Variants in SLC35E2B observed in about 807,000 individuals in gnomAD.
SLC35E2B encodes the protein solute carrier family 35, member E2B.
In SLC35E2B, 18 loss-of-function variants were observed where a neutral mutation model predicts 32.4. The observed-to-expected ratio is 0.56, with a 90% CI of 0.38 to 0.82. The LOEUF is 0.82. Ranked by LOEUF, SLC35E2B falls within the 40% of genes least tolerant of loss-of-function variation. SLC35E2B has a pLI of 0.00. For synonymous variants in SLC35E2B, 132 were observed against 209.1 expected (o/e 0.63, Z 3.18); for missense variants, 263 against 469.5 (o/e 0.56, Z 4.06).
rs1245831302 is a variant in SLC35E2B at position 1,692,480 on chromosome 1, T to G, written c.-597A>C. 1 of 985,726 alleles carries G rather than the reference T, an allele frequency of 1.0e-6. No individual in the cohort carries two copies. The highest frequency in any genetic ancestry group is 1.2e-6 in the Non-Finnish European group (1 of 830,558). 61.1% of individuals were successfully genotyped at this position (985,726 alleles called of 1,614,324 possible). Reference sequence around the variant, plus strand: ...CCTGATGCAGTCTCCGCCGCAGGCATAGCGCTAGGCCCCGGCGCCTTCACA... The same window carrying G: ...CCTGATGCAGTCTCCGCCGCAGGCAGAGCGCTAGGCCCCGGCGCCTTCACA... On this transcript the variant is annotated 5_prime_UTR_variant, in exon 1 of 10. An upstream start codon of the reference 5' UTR is lost. Coordinates refer to ENST00000617444, the MANE Select transcript of SLC35E2B (RefSeq NM_001290264.2).
rs1314510299 is a variant in SLC35E2B, at chr1:1,690,750, A to G, written c.-148+226T>C. ...ACTCCGTCTCAAAAAGTAAAGAAAA[A>G]AAAAAAACAAAACAACATATTTCAC... On this transcript the variant is annotated intron_variant, in intron 2 of 9. Coordinates refer to ENST00000617444, the MANE Select transcript of SLC35E2B (RefSeq NM_001290264.2). 5.2e-5 allele frequency among the ~76,000 whole-genome samples: 3 copies of G among 57,712 alleles called. 1 individual carries two copies. The highest frequency in any genetic ancestry group is 1.4e-3 in the South Asian group (2 of 1,426). The allele number at this position is 57,712 out of a possible 152,430, so 37.9% of individuals were successfully genotyped here. A position where few individuals can be genotyped will look rare whatever the true frequency, so the allele number is the denominator to read the frequency against.
intron 2 of SLC35E2B, among the ~76,000 whole-genome samples, chr1:1,687,174 C>T (rs556545415): frequency 2.6e-5 from 4 of 152,298 alleles, no homozygotes; most frequent in Non-Finnish European, 4.4e-5. Flanking sequence ...GATGGGCGGA[C>T]GGGCGACACG....
At chr1:1,681,594 C>T (rs1225922231) in intron 2 of SLC35E2B, among the ~76,000 whole-genome samples, 1 of 151,542 alleles carries the variant, frequency 6.6e-6, no homozygotes, top group Non-Finnish European at 1.5e-5. Context: ...GTAGCCCCCA[C>T]TTCTTGGATT....
Position 1,662,492 on chromosome 1 carries a change from C to G in SLC35E2B, c.*3290G>C. On this transcript the variant is annotated 3_prime_UTR_variant, in exon 10 of 10. Coordinates refer to ENST00000617444, the MANE Select transcript of SLC35E2B (RefSeq NM_001290264.2). ...GGGACAAGGATTTTAAAGGCAGCTA[C>G]AAAGCTGAGCTCTATTTGCTGATGA... 4.0e-6 allele frequency: 3 copies of G among 745,410 alleles called. No individual in the cohort carries two copies. Among genetic ancestry groups the G allele is most frequent in the Non-Finnish European group, 4.9e-6 (3 of 612,450 alleles). The allele number at this position is 745,410 out of a possible 1,614,324, so 46.2% of individuals were successfully genotyped here.
In SLC35E2B at chr1:1,669,706, G is replaced by A. The variant is rs115862299; in HGVS notation, c.792C>T (p.Ala264=). Residue 264 remains alanine, a synonymous_variant, in exon 8 of 10, where the codon GCC becomes GCT. Transcript: ENST00000617444. ...CCGGGACGAGCATGGCCACCGCAGC[G>A]GCGCTGGTGTAGAACTGCAGCTCCG... ...SAPELQFYTS[A]AAVAMLVPAR... 3.3e-3 allele frequency: 5,020 copies of A among 1,538,594 alleles called. 116 individuals are homozygous for A. In the African/African-American group the frequency reaches 0.055, roughly 17 times the overall value.
chr1:1,689,978 C>G (rs1172948508), intron 2 of SLC35E2B, among the ~76,000 whole-genome samples: 1 of 143,218 alleles, frequency 7.0e-6, no homozygotes, highest in African/African-American at 2.6e-5. Flanking sequence ...CAGGGTGAGA[C>G]CCTGTCTCAA....
At chr1:1,671,913 G>C (rs914898508) in intron 5 of SLC35E2B, 3 of 272,328 alleles carry the variant, frequency 1.1e-5, no homozygotes, top group Non-Finnish European at 1.4e-5. Context: ...AAACCTTCCT[G>C]ATTCTGTGAA....
At position 1,688,401 on chromosome 1, in the gene SLC35E2B, T is replaced by C. The variant is rs868476498; in HGVS notation, c.-148+2575A>G. ...GTGGGCGGATCACAAGGTCAGGACA[T>C]CGAGATCCTCCTGGCCAACACAGTC... On this transcript the variant is annotated intron_variant, in intron 2 of 9. Coordinates refer to ENST00000617444, the MANE Select transcript of SLC35E2B (RefSeq NM_001290264.2). 1.2e-4 allele frequency among the ~76,000 whole-genome samples: 18 copies of C among 151,844 alleles called. 2 individuals carry two copies. The South Asian group carries it at 3.7e-3, about 32-fold the overall frequency.
At chr1:1,677,043 C>CATG (rs1312029355) in intron 2 of SLC35E2B, among the ~76,000 whole-genome samples, 197 bp from the exon 3 acceptor site, 1 of 83,658 alleles carries the variant, frequency 1.2e-5, no homozygotes, top group Non-Finnish European at 2.3e-5. Context: ...CCCTGGCCAA[C>CATG]ATGACGAAAC....
Position 1,688,433 on chromosome 1 carries a change from C to T in SLC35E2B, c.-148+2543G>A, listed in dbSNP as rs566370878. Among the ~76,000 whole-genome samples the T allele has an allele frequency of 6.6e-5, 10 of 151,890 alleles. 1 individual carries two copies. The highest frequency in any genetic ancestry group is 1.9e-4 in the African/African-American group (8 of 41,340). ...CCTCCTGGCCAACACAGTCAAACCC[C>T]ATTTCTACTACAAAAAATTAGCCGG... On this transcript the variant is annotated intron_variant, in intron 2 of 9. Transcript: ENST00000617444.
chr1:1,677,917 G>C (rs1030185262), intron 2 of SLC35E2B, among the ~76,000 whole-genome samples: 3 of 151,908 alleles, frequency 2.0e-5, no homozygotes, highest in African/African-American at 7.3e-5. Flanking sequence ...CATCCCCCCA[G>C]CTGGGGCTTT....
rs374046736 is a variant in SLC35E2B at position 1,663,452 on chromosome 1, G to A, written c.*2330C>T. 1.8e-5 allele frequency: 17 copies of A among 945,264 alleles called. No individual in the cohort carries two copies. The East Asian group carries it at 5.7e-4, about 32-fold the overall frequency. The allele number at this position is 945,264 out of a possible 1,614,324, so 58.6% of individuals were successfully genotyped here. On this transcript the variant is annotated 3_prime_UTR_variant, in exon 10 of 10. Coordinates refer to ENST00000617444, the MANE Select transcript of SLC35E2B (RefSeq NM_001290264.2). ...TGTCCTCACAAATCAACAACTCCCC[G>A]CCACCTCCAGGGCATTTTCTAATAG...
Position 1,677,540 on chromosome 1 carries a change from T to G in SLC35E2B, c.-147-694A>C, listed in dbSNP as rs370690236. 5.3e-5 allele frequency among the ~76,000 whole-genome samples: 8 copies of G among 150,494 alleles called. No individual in the cohort carries two copies. The South Asian group carries it at 1.7e-3, about 32-fold the overall frequency. On this transcript the variant is annotated intron_variant, in intron 2 of 9. Coordinates refer to ENST00000617444, the MANE Select transcript of SLC35E2B (RefSeq NM_001290264.2). Reference sequence around the variant, plus strand: ...TCGCCCAGGCTGAAGTGCAGAGGCGTGATCTGGGCTCACTGCAAGCTCCGC... The same window carrying G: ...TCGCCCAGGCTGAAGTGCAGAGGCGGGATCTGGGCTCACTGCAAGCTCCGC...
rs147978655 is a variant in SLC35E2B at position 1,685,188 on chromosome 1, G to A, written c.-148+5788C>T. Reference sequence around the variant, plus strand: ...TGTAATCCTAGCACTTTGGGAGACCGAGGCAGGAGGATTGCTTGAGCCCAG... The same window carrying A: ...TGTAATCCTAGCACTTTGGGAGACCAAGGCAGGAGGATTGCTTGAGCCCAG... On this transcript the variant is annotated intron_variant, in intron 2 of 9. Transcript: ENST00000617444. Among the ~76,000 whole-genome samples, 988 of 151,592 alleles carry A rather than the reference G, an allele frequency of 6.5e-3. 14 individuals carry two copies. The highest frequency in any genetic ancestry group is 0.021 in the African/African-American group (865 of 41,280).
In SLC35E2B at chr1:1,677,356, C is replaced by T. The variant is rs531833153; in HGVS notation, c.-147-510G>A. ...ACGGTCTCCTGGCACACTTGACTGT[C>T]GTCCTGGCAGACCTGGGGCTGTGGG... On this transcript the variant is annotated intron_variant, in intron 2 of 9. Coordinates refer to ENST00000617444, the MANE Select transcript of SLC35E2B (RefSeq NM_001290264.2). Among the ~76,000 whole-genome samples the T allele has an allele frequency of 3.0e-3, 450 of 151,318 alleles. 8 individuals carry two copies. Among genetic ancestry groups the T allele is most frequent in the Non-Finnish European group, 1.8e-3 (121 of 67,840 alleles).
intron 7 of SLC35E2B, 37 bp downstream of exon 7, chr1:1,670,061 T>G: frequency 6.6e-7 from 1 of 1,515,570 alleles, no homozygotes; most frequent in South Asian, 1.2e-5. Context: ...CCTCTTCGTC[T>G]TATGACTTGG....
intron 5 of SLC35E2B, 132 bp downstream of exon 5, chr1:1,675,331 C>T (rs1272766544): frequency 1.4e-6 from 1 of 705,250 alleles, no homozygotes; most frequent in Admixed American, 2.9e-5. Context: ...GAAGTGAAGG[C>T]ACTGCCAGTG....
In SLC35E2B at chr1:1,663,275, G is replaced by A. The variant is rs1228879581; in HGVS notation, c.*2507C>T. On this transcript the variant is annotated 3_prime_UTR_variant, in exon 10 of 10. Coordinates refer to ENST00000617444, the MANE Select transcript of SLC35E2B (RefSeq NM_001290264.2). ...CAGCTCCTTGTGAGGGTGGAGGGGA[G>A]GGCACCAGATGCTGTGCGGCTGGAA... 1.0e-6 allele frequency: 1 copy of A among 981,132 alleles called. No individual in the cohort carries two copies. The highest frequency in any genetic ancestry group is 1.2e-6 in the Non-Finnish European group (1 of 827,074). The allele number at this position is 981,132 out of a possible 1,614,324, so 60.8% of individuals were successfully genotyped here. A position where few individuals can be genotyped will look rare whatever the true frequency, so the allele number is the denominator to read the frequency against.
rs1245360153 is a variant in SLC35E2B at position 1,664,735 on chromosome 1, G to C, written c.*1047C>G. Reference sequence around the variant, plus strand: ...ACACCACGCGCCCCAGAAACATTCAGTGTGGACGTTTCCTTTTTCAGTAAG... The same window carrying C: ...ACACCACGCGCCCCAGAAACATTCACTGTGGACGTTTCCTTTTTCAGTAAG... On this transcript the variant is annotated 3_prime_UTR_variant, in exon 10 of 10. Transcript: ENST00000617444. 1.1e-6 allele frequency: 1 copy of C among 891,738 alleles called. No individual in the cohort carries two copies. Among genetic ancestry groups the C allele is most frequent in the Non-Finnish European group, 1.3e-6 (1 of 754,296 alleles). The allele number at this position is 891,738 out of a possible 1,614,324, so 55.2% of individuals were successfully genotyped here.
Sources: allele counts gnomAD v4.1 joint callset (sites outside exome capture counted in the v4.1 genomes callset), GRCh38; gene constraint gnomAD v4.1.1; transcripts MANE v1.5; gene names NCBI Gene and HGNC (gene_info 2026-07-23, HGNC 2026-07-21).